The following DMD variants were observed in gnomAD, a reference collection of about 807,000 sequenced individuals.
DMD encodes dystrophin.
A neutral mutation model predicts 330.1 loss-of-function variants in DMD; 63 were observed. The observed-to-expected ratio is 0.19, with a 90% confidence interval of 0.16 to 0.24. The LOEUF (loss-of-function observed/expected upper bound fraction) is 0.24. Ranked by LOEUF, DMD falls within the 10% of genes least tolerant of loss-of-function variation. DMD has a pLI of 1.00. For synonymous variants in DMD, 1,223 were observed against 959.8 expected (o/e 1.27, Z -5.07); for missense variants, 3,344 against 2,684.1 (o/e 1.25, Z -5.43).
chrX:32,194,586 AG>A (rs780629805), intron 44 of DMD, among the ~76,000 whole-genome samples: 7 of 111,369 alleles, frequency 6.3e-5, no homozygotes, highest in Non-Finnish European at 1.3e-4. Context: ...ACTTTTTGTG[AG>A]GTAGTGAGGG....
chrX:33,292,322 A>G (rs764279712), intron 1 of DMD, among the ~76,000 whole-genome samples: 1 of 112,013 alleles, frequency 8.9e-6, no homozygotes, highest in Non-Finnish European at 1.9e-5. Flanking sequence ...ATCTATGTTG[A>G]AATGAATAAA....
At chrX:31,720,814 T>C (rs1346615321) in intron 52 of DMD, among the ~76,000 whole-genome samples, 1 of 111,446 alleles carries the variant, frequency 9.0e-6, no homozygotes, top group African/African-American at 3.2e-5. Context: ...TAATAAAAAA[T>C]ATTTTTCCTA....
At chrX:31,527,884 C>T (rs1243131351) in intron 55 of DMD, among the ~76,000 whole-genome samples, 1 of 111,527 alleles carries the variant, frequency 9.0e-6, no homozygotes, top group Non-Finnish European at 1.9e-5. Flanking sequence ...CTACTTTAGC[C>T]TTTCCAAAAC....
Position 32,452,659 on chromosome X carries a change from C to T in DMD, c.3603+2003G>A, listed in dbSNP as rs530779199. Among the ~76,000 whole-genome samples, 245 of 110,945 alleles carry T rather than the reference C, an allele frequency of 2.2e-3. 1 individual carries two copies. Among genetic ancestry groups the T allele is most frequent in the African/African-American group, 7.4e-3 (228 of 30,702 alleles). ...TAAGCAGAGAGAGAAGTGTGAATTA[C>T]ACAAGTTTCAAAGTACCTTCTAGCT... On this transcript the variant is annotated intron_variant, in intron 26 of 78. Transcript: ENST00000357033.
At chrX:32,641,711 A>G (rs1305791868) in intron 11 of DMD, among the ~76,000 whole-genome samples, 1 of 110,832 alleles carries the variant, frequency 9.0e-6, no homozygotes, top group Non-Finnish European at 1.9e-5. Flanking sequence ...TAATATGACT[A>G]GACAAATGTT....
intron 9 of DMD, among the ~76,000 whole-genome samples, chrX:32,652,037 A>G (rs2060194182): frequency 1.8e-5 from 2 of 111,756 alleles, no homozygotes; most frequent in African/African-American, 6.5e-5. Flanking sequence ...TCCAGTTAAG[A>G]AGACAAAAAT....
intron 7 of DMD, among the ~76,000 whole-genome samples, chrX:32,777,859 C>T (rs778025600): frequency 8.9e-6 from 1 of 112,408 alleles, no homozygotes; most frequent in African/African-American, 3.2e-5. Context: ...CATTCTTATG[C>T]CCTGTGCACA....
chrX:33,281,484 C>T (rs1423735952), intron 1 of DMD, among the ~76,000 whole-genome samples: 1 of 111,863 alleles, frequency 8.9e-6, no homozygotes, highest in East Asian at 2.8e-4. Flanking sequence ...GCTGGGATTA[C>T]GGGCATGAGC....
At chrX:32,531,034 C>T (rs1255919309) in intron 17 of DMD, among the ~76,000 whole-genome samples, 3 of 111,819 alleles carry the variant, frequency 2.7e-5, no homozygotes. Context: ...AGCTTGTCTT[C>T]AATTTGGCTT....
rs1242196517 is a variant in DMD, at chrX:33,329,956, T to C, written c.7+9303A>G. Among the ~76,000 whole-genome samples, 4 of 111,637 alleles carry C rather than the reference T, an allele frequency of 3.6e-5. No homozygotes were observed. The South Asian group carries it at 1.5e-3, about 42-fold the overall frequency. ...AGGAGGACAGAAATACTTTCCTTAA[T>C]CTATAAAGGGAAATTACTAATGAAT... On this transcript the variant is annotated intron_variant, in intron 1 of 17. Transcript: ENST00000288447.
At position 32,595,614 on chromosome X, in the gene DMD, C is replaced by A. The variant is rs973960388; in HGVS notation, c.1602+143G>T. 1.8e-5 allele frequency: 10 copies of A among 558,425 alleles called. No individual in the cohort carries two copies. The African/African-American group carries it at 2.3e-4, about 13-fold the overall frequency. 46.0% of individuals were successfully genotyped at this position (558,425 alleles called of 1,213,427 possible). A position where few individuals can be genotyped will look rare whatever the true frequency, so the allele number is the denominator to read the frequency against. ...AATTCTTTAAATCACAGCACTTCAG[C>A]TGATTATGAGTGTGTGTATATTGTA... On this transcript the variant is annotated intron_variant, in intron 13 of 78. Coordinates refer to ENST00000357033, the MANE Select transcript of DMD (RefSeq NM_004006.3).
chrX:31,496,626 A>G (rs2069879645), intron 57 of DMD, among the ~76,000 whole-genome samples, 162 bp downstream of exon 57: 1 of 112,543 alleles, frequency 8.9e-6, no homozygotes, highest in African/African-American at 3.2e-5. Flanking sequence ...TGTGTTTGAC[A>G]TTTACAGTGT....
chrX:31,891,626 C>G, intron 47 of DMD, among the ~76,000 whole-genome samples: 1 of 112,312 alleles, frequency 8.9e-6, no homozygotes, highest in Non-Finnish European at 1.9e-5. Flanking sequence ...TCACGGGACA[C>G]AGCCATGCCC....
At chrX:32,845,167 C>T (rs920941519) in intron 3 of DMD, among the ~76,000 whole-genome samples, 6 of 111,785 alleles carry the variant, frequency 5.4e-5, no homozygotes, top group Non-Finnish European at 1.1e-4. Context: ...GAAACATCAG[C>T]ATGCATAAAA....
At chrX:32,430,037 T>C (rs2098231704) in intron 29 of DMD, among the ~76,000 whole-genome samples, 1 of 111,492 alleles carries the variant, frequency 9.0e-6, no homozygotes, top group African/African-American at 3.3e-5. Context: ...ACTCTGATAA[T>C]GTCTAATTTC....
chrX:32,699,083 G>T (rs377361081), intron 8 of DMD, 29 bp downstream of exon 8: 11 of 1,173,075 alleles, frequency 9.4e-6, no homozygotes, highest in Non-Finnish European at 1.3e-5. Flanking sequence ...AAAACATCTT[G>T]AATAGTAGCT....
intron 44 of DMD, among the ~76,000 whole-genome samples, chrX:32,198,959 C>T (rs1272514452): frequency 1.8e-5 from 2 of 112,418 alleles, no homozygotes; most frequent in African/African-American, 6.5e-5. Flanking sequence ...AACAGTTTTG[C>T]AATCAATAGT....
rs773566202 is a variant in DMD at position 32,738,596 on chromosome X, C to G, written c.650-39303G>C. ...GATCAGGTTTCTTTTCTTGGACTGC[C>G]GGTGACACAGCAGAACTAGTAATGT... On this transcript the variant is annotated intron_variant, in intron 7 of 78. Transcript: ENST00000357033. 1.2e-3 allele frequency among the ~76,000 whole-genome samples: 139 copies of G among 111,298 alleles called. 1 individual carries two copies. The highest frequency in any genetic ancestry group is 4.3e-3 in the African/African-American group (132 of 30,761).
chrX:31,585,210 C>T (rs2076531601), intron 55 of DMD, among the ~76,000 whole-genome samples: 1 of 105,857 alleles, frequency 9.4e-6, no homozygotes. Context: ...GTAGTCTCTG[C>T]TACTTGGGAG....
Sources: allele counts gnomAD v4.1 joint callset (sites outside exome capture counted in the v4.1 genomes callset), GRCh38; gene constraint gnomAD v4.1.1; transcripts MANE v1.5; gene names NCBI Gene and HGNC (gene_info 2026-07-23, HGNC 2026-07-21).